The following POLQ variants were observed in gnomAD, a reference collection of about 807,000 sequenced individuals.
POLQ encodes the protein epididymis secretory sperm binding protein.
Under a neutral mutation model 259.2 loss-of-function variants are expected in POLQ, and 233 were observed. The observed-to-expected ratio is 0.90, with a 90% CI of 0.81 to 1.00. POLQ has a LOEUF of 1.00. Ranked by LOEUF, POLQ falls within the 50% of genes least tolerant of loss-of-function variation. POLQ has a pLI of 0.00. For synonymous variants in POLQ, 1,025 were observed against 1,048.8 expected (o/e 0.98, Z 0.44); for missense variants, 2,871 against 3,051.6 (o/e 0.94, Z 1.39).
At chr3:121,439,884 A>T in intron 27 of POLQ, 108 bp downstream of exon 27, 1 of 991,834 alleles carries the variant, frequency 1.0e-6, no homozygotes, top group Non-Finnish European at 1.5e-6. Flanking sequence ...AGAAAATCCA[A>T]TTAATATGCC....
chr3:121,501,183 C>G (rs1043423313), intron 12 of POLQ, among the ~76,000 whole-genome samples: 7 of 152,036 alleles, frequency 4.6e-5, no homozygotes, highest in African/African-American at 1.4e-4. Context: ...TGGTCTCAAA[C>G]TTCTAGGCTC....
chr3:121,515,153 C>T (rs1015520855), intron 9 of POLQ, among the ~76,000 whole-genome samples: 2 of 152,134 alleles, frequency 1.3e-5, no homozygotes, highest in Admixed American at 1.3e-4. Context: ...GGAGGCAAAC[C>T]TCAGATGTGC....
chr3:121,492,839 G>A (rs561739078), intron 15 of POLQ, among the ~76,000 whole-genome samples: 8 of 144,566 alleles, frequency 5.5e-5, no homozygotes, highest in African/African-American at 2.1e-4. Context: ...GTAGCGATGA[G>A]ATCTTGCTAT....
chr3:121,482,813 A>G (rs2047981324), intron 18 of POLQ, among the ~76,000 whole-genome samples: 6 of 152,202 alleles, frequency 3.9e-5, no homozygotes, highest in Admixed American at 3.9e-4. Context: ...GGTTAAGAAT[A>G]AAGTTTTATA....
intron 9 of POLQ, among the ~76,000 whole-genome samples, chr3:121,517,902 G>A (rs1397702773): frequency 2.6e-5 from 4 of 152,134 alleles, no homozygotes; most frequent in Admixed American, 2.0e-4. Context: ...CATCTATCTT[G>A]TTAAACACTT....
In POLQ at chr3:121,440,021, T is replaced by C. The variant is rs2047577169; in HGVS notation, c.7360A>G (p.Lys2454Glu). 6.2e-7 allele frequency: 1 copy of C among 1,613,686 alleles called. No individual in the cohort carries two copies. Among genetic ancestry groups the C allele is most frequent in the Non-Finnish European group, 8.5e-7 (1 of 1,179,744 alleles). Residue 2454 changes from lysine (K) to glutamate (E), a missense_variant, in exon 27 of 30, where the codon AAA becomes GAA. Coordinates refer to ENST00000264233, the MANE Select transcript of POLQ (RefSeq NM_199420.4). ...LGRRRYLPGI[K>E]DNNPYRKAHA... ...GCTTTACGATAAGGGTTGTTGTCTT[T>C]GATTCCTGGCAAATATCTACGCCTT...
chr3:121,545,588 A>T, intron 1 of POLQ, 127 bp downstream of exon 1: 2 of 863,512 alleles, frequency 2.3e-6, no homozygotes, highest in Non-Finnish European at 3.5e-6. Flanking sequence ...CCCCAGTCAC[A>T]GAGAAGGGGA....
intron 5 of POLQ, among the ~76,000 whole-genome samples, chr3:121,533,420 A>G (rs1325546272): frequency 6.6e-6 from 1 of 152,236 alleles, no homozygotes; most frequent in African/African-American, 2.4e-5. Flanking sequence ...TTTCCAAAGT[A>G]ACACCTCCAC....
At chr3:121,476,985 G>T (rs1163198180) in intron 19 of POLQ, among the ~76,000 whole-genome samples, 1 of 152,154 alleles carries the variant, frequency 6.6e-6, no homozygotes. Flanking sequence ...GACTAGTCTG[G>T]ATTACAAGAG....
In POLQ at chr3:121,492,433, A is replaced by C. The variant is rs192166054; in HGVS notation, c.2522+1045T>G. Among the ~76,000 whole-genome samples the C allele has an allele frequency of 3.6e-3, 554 of 152,310 alleles. 2 individuals carry two copies. The highest frequency in any genetic ancestry group is 0.013 in the African/African-American group (528 of 41,570). On this transcript the variant is annotated intron_variant, in intron 15 of 29. Transcript: ENST00000264233. ...CATACACACAAAAAAATAATCAAGG[A>C]ATCTTCTCACAAATTGTTTTGAGGG...
Position 121,521,954 on chromosome 3 carries a change from G to A in POLQ, c.1255+49C>T, listed in dbSNP as rs774386196. ...GTACACAAATATAAAAGTTAAGACA[G>A]TATGAGGAATTTTGGAGGTTTCTTA... On this transcript the variant is annotated intron_variant, in intron 8 of 29. Transcript: ENST00000264233. The A allele has an allele frequency of 1.3e-5, 16 of 1,255,810 alleles. No individual in the cohort carries two copies. The East Asian group carries it at 3.8e-4, about 30-fold the overall frequency. 77.8% of individuals were successfully genotyped at this position (1,255,810 alleles called of 1,614,324 possible).
chr3:121,447,417 C>T (rs1288606428), intron 26 of POLQ, among the ~76,000 whole-genome samples: 2 of 152,076 alleles, frequency 1.3e-5, no homozygotes, highest in Non-Finnish European at 2.9e-5. Flanking sequence ...CCTGTCTCTG[C>T]CTCCCAAATT....
At chr3:121,540,889 T>G (rs1484233559) in intron 3 of POLQ, among the ~76,000 whole-genome samples, 1 of 114,078 alleles carries the variant, frequency 8.8e-6, no homozygotes, top group Non-Finnish European at 1.8e-5. Flanking sequence ...TTCTGTAAAT[T>G]TTTTTAATTT....
chr3:121,495,710 G>A (rs1279147129), intron 14 of POLQ, among the ~76,000 whole-genome samples: 1 of 151,244 alleles, frequency 6.6e-6, no homozygotes, highest in Non-Finnish European at 1.5e-5. Flanking sequence ...TTAGCCGGGC[G>A]TGGTGCCGGG....
chr3:121,461,381 A>C (rs2047789934), intron 24 of POLQ, among the ~76,000 whole-genome samples: 1 of 152,182 alleles, frequency 6.6e-6, no homozygotes, highest in Non-Finnish European at 1.5e-5. Context: ...AGCCAGGCAC[A>C]GTGTCTCATG....
intron 14 of POLQ, among the ~76,000 whole-genome samples, chr3:121,495,607 G>A (rs1034403260): frequency 5.3e-5 from 8 of 151,976 alleles, no homozygotes; most frequent in African/African-American, 1.9e-4. Context: ...TACTTTAGGA[G>A]GCCGAGGCGG....
In POLQ at chr3:121,432,997, C is replaced by T. The variant is rs943784048; in HGVS notation, c.7580G>A (p.Cys2527Tyr). 1.9e-6 allele frequency: 3 copies of T among 1,611,792 alleles called. No individual in the cohort carries two copies. In the African/African-American group the frequency reaches 4.0e-5, roughly 22 times the overall value. ...SRKRKLQGMFCPIRGGFFILQ... is the reference protein window; with the variant it reads ...SRKRKLQGMFYPIRGGFFILQ... Reference sequence around the variant, plus strand: ...GATGAAGAAGCCTCCTCTGATTGGGCAGAACATCCCTTGCAGTTTTCTCTT... The same window carrying T: ...GATGAAGAAGCCTCCTCTGATTGGGTAGAACATCCCTTGCAGTTTTCTCTT... The change falls in exon 29 of 30, where the codon TGC becomes TAC. Residue 2527 changes from cysteine to tyrosine, a missense_variant. By Grantham distance (194) the Cys-to-Tyr change is radical. Transcript: ENST00000264233.
At chr3:121,449,088 T>G (rs2047652717) in intron 26 of POLQ, among the ~76,000 whole-genome samples, 1 of 152,212 alleles carries the variant, frequency 6.6e-6, no homozygotes. Context: ...CACAGTAGAT[T>G]CACATCAACT....
chr3:121,511,898 CTCGTA>C lies in POLQ; in HGVS notation c.1595_1599del (p.Ile532SerfsTer50). 1 of 1,613,194 alleles carries C rather than the reference CTCGTA, an allele frequency of 6.2e-7. No individual in the cohort carries two copies. Among genetic ancestry groups the C allele is most frequent in the Non-Finnish European group, 8.5e-7 (1 of 1,179,600 alleles). ...AAATTCTCTCTTACCTCCAGAATAG[CTCGTA>C]TCATGCTGCCAGTTACTTCTTCTCC... On this transcript the variant is annotated frameshift_variant, in exon 10 of 30. Transcript: ENST00000264233. LOFTEE classifies it high-confidence loss of function.
Sources: allele counts gnomAD v4.1 joint callset (sites outside exome capture counted in the v4.1 genomes callset), GRCh38; gene constraint gnomAD v4.1.1; transcripts MANE v1.5; gene names NCBI Gene and HGNC (gene_info 2026-07-23, HGNC 2026-07-21).